Variants in WLS observed in about 807,000 individuals in gnomAD.
WLS encodes the protein protein wntless homolog.
A neutral mutation model predicts 62.8 loss-of-function variants in WLS; 23 were observed. The observed-to-expected ratio is 0.37, with a 90% CI of 0.26 to 0.52. The LOEUF is 0.52. WLS is among the 20% of genes least tolerant of loss of function. The probability of loss-of-function intolerance (pLI) is 0.92; values close to 1 mark genes in which losing one functional copy is unlikely to be tolerated. For missense variants in WLS, 615 were observed against 697.3 expected, an observed-to-expected ratio of 0.88 and a Z score of 1.33; for synonymous variants, 246 against 244.1, an observed-to-expected ratio of 1.01 and a Z score of -0.07.
intron 1 of WLS, among the ~76,000 whole-genome samples, chr1:68,229,110 C>T (rs527643084): frequency 6.6e-6 from 1 of 151,998 alleles, no homozygotes; most frequent in Non-Finnish European, 1.5e-5. Flanking sequence ...CGAAAGGGAC[C>T]TTAAACTCCT....
chr1:68,208,737 G>A (rs538049983), intron 1 of WLS, among the ~76,000 whole-genome samples: 5 of 152,256 alleles, frequency 3.3e-5, no homozygotes, highest in Admixed American at 2.0e-4. Flanking sequence ...AGTAAGAGAG[G>A]TGCAAACACA....
At position 68,223,083 on chromosome 1, in the gene WLS, G is replaced by A. The variant is rs376511114; in HGVS notation, c.106+9111C>T. 4.6e-5 allele frequency among the ~76,000 whole-genome samples: 7 copies of A among 152,226 alleles called. No homozygotes were observed. The East Asian group carries it at 7.7e-4, about 17-fold the overall frequency. ...TACCATACTTCTACAAGTCTGTGCT[G>A]CCAGTGAGGGTTGGCAAATCATCCC... On this transcript the variant is annotated intron_variant, in intron 1 of 11. Coordinates refer to ENST00000262348, the MANE Select transcript of WLS (RefSeq NM_024911.7).
At chr1:68,175,396 C>A (rs145020049) in intron 2 of WLS, among the ~76,000 whole-genome samples, 4 of 152,330 alleles carry the variant, frequency 2.6e-5, no homozygotes, top group Admixed American at 1.3e-4. Context: ...AGCTCAAGTA[C>A]TTTCCCCTTA....
At chr1:68,145,013 G>T (rs563141009) in intron 9 of WLS, among the ~76,000 whole-genome samples, 22 of 152,314 alleles carry the variant, frequency 1.4e-4, no homozygotes, top group Admixed American at 9.1e-4. Flanking sequence ...TTCTGCTCCA[G>T]TGAACAAAAA....
chr1:68,159,526 C>T (rs1201142245), intron 2 of WLS, among the ~76,000 whole-genome samples: 1 of 152,176 alleles, frequency 6.6e-6, no homozygotes, highest in Admixed American at 6.5e-5. Flanking sequence ...CACAAATGGT[C>T]AGACCTCATC....
chr1:68,214,415 A>G (rs553137630), intron 1 of WLS, among the ~76,000 whole-genome samples: 68 of 151,604 alleles, frequency 4.5e-4, no homozygotes, highest in African/African-American at 1.6e-3. Context: ...CCCAGGCTGG[A>G]GTGCAGTGTT....
intron 11 of WLS, chr1:68,098,791 T>G (rs764687450): frequency 6.3e-7 from 1 of 1,596,234 alleles, no homozygotes; most frequent in South Asian, 1.1e-5. Context: ...ATGCAAAATA[T>G]CCTTTTAAAA....
intron 2 of WLS, among the ~76,000 whole-genome samples, chr1:68,160,400 T>G (rs1411269447): frequency 1.3e-5 from 2 of 152,182 alleles, no homozygotes; most frequent in African/African-American, 2.4e-5. Context: ...GGTTTTGAGT[T>G]TTCAATTAAA....
intron 4 of WLS, among the ~76,000 whole-genome samples, chr1:68,154,772 TG>T (rs1557481173): frequency 6.6e-6 from 1 of 152,236 alleles, no homozygotes. Flanking sequence ...TTAACATTTG[TG>T]CTTGCAAGGT....
intron 2 of WLS, among the ~76,000 whole-genome samples, chr1:68,190,721 T>C (rs1002961753): frequency 1.9e-4 from 29 of 152,020 alleles, no homozygotes; most frequent in African/African-American, 6.5e-4. Flanking sequence ...AGCCAGAGAC[T>C]CCCAAACTAG....
At position 68,125,632 on chromosome 1, in the gene WLS, CT is replaced by C. The variant is rs1238596194; in HGVS notation, c.*593del. ...ATTTGGTTTCAAAGCTGAAATACCC[CT>C]GGTGGAATAAATCTTCTCATGAAAT... On this transcript the variant is annotated 3_prime_UTR_variant, in exon 12 of 12. Transcript: ENST00000262348. 1.0e-6 allele frequency: 1 copy of C among 985,410 alleles called. No homozygotes were observed. Among genetic ancestry groups the C allele is most frequent in the African/African-American group, 1.7e-5 (1 of 57,222 alleles). The allele number at this position is 985,410 out of a possible 1,614,324, so 61.0% of individuals were successfully genotyped here.
chr1:68,115,041 T>C (rs536805002), intron 11 of WLS, among the ~76,000 whole-genome samples: 1 of 152,344 alleles, frequency 6.6e-6, no homozygotes, highest in Non-Finnish European at 1.5e-5. Flanking sequence ...CTGCAGCCAC[T>C]GTGTGGCCTG....
In WLS at chr1:68,181,757, T is replaced by A. The variant is rs143443441; in HGVS notation, c.379+12198A>T. Among the ~76,000 whole-genome samples the A allele has an allele frequency of 3.3e-5, 5 of 152,326 alleles. 1 individual carries two copies. Among genetic ancestry groups the A allele is most frequent in the African/African-American group, 1.2e-4 (5 of 41,564 alleles). On this transcript the variant is annotated intron_variant, in intron 2 of 11. Coordinates refer to ENST00000262348, the MANE Select transcript of WLS (RefSeq NM_024911.7). ...CCACAGAGTTCAAGCTTTCTCCAGC[T>A]GCTAAATTAAAGGATTAGTGCTTTA... is the stretch of plus-strand genomic sequence containing the variant.
At chr1:68,204,511 A>G (rs2566749) in intron 1 of WLS, among the ~76,000 whole-genome samples, 139,728 of 152,046 alleles carry the variant, frequency 0.92, 64,524 homozygotes, top group East Asian at 0.97. Context: ...GCTTCACCGT[A>G]TTAGCCAGGA....
chr1:68,188,655 G>C (rs944478139), intron 2 of WLS, among the ~76,000 whole-genome samples: 3 of 152,190 alleles, frequency 2.0e-5, no homozygotes, highest in Admixed American at 1.3e-4. Flanking sequence ...AGAATGAGTA[G>C]GTTTATCTGG....
intron 8 of WLS, 112 bp from the exon 9 acceptor site, chr1:68,146,124 G>A (rs1214080750): frequency 1.6e-6 from 2 of 1,269,754 alleles, no homozygotes; most frequent in Non-Finnish European, 2.2e-6. Context: ...CAAATATGTA[G>A]AAAATTTTCA....
Position 68,158,727 on chromosome 1 carries a change from C to A in WLS, c.504+396G>T, listed in dbSNP as rs112114933. ...GGACAAGCTTGATCTAGCCCTTAAA[C>A]AGACTCCCAAGGTAGGTACTCTTAT... On this transcript the variant is annotated intron_variant, in intron 3 of 11. Coordinates refer to ENST00000262348, the MANE Select transcript of WLS (RefSeq NM_024911.7). Among the ~76,000 whole-genome samples, 50 of 152,320 alleles carry A rather than the reference C, an allele frequency of 3.3e-4. 1 individual carries two copies. The highest frequency in any genetic ancestry group is 1.2e-3 in the African/African-American group (50 of 41,566).
intron 11 of WLS, among the ~76,000 whole-genome samples, chr1:68,132,103 G>A (rs1646535190): frequency 6.6e-6 from 1 of 152,192 alleles, no homozygotes; most frequent in Non-Finnish European, 1.5e-5. Context: ...ATGGTGGGGT[G>A]ACAAGAATTC....
chr1:68,193,032 G>T (rs183493062), intron 2 of WLS, among the ~76,000 whole-genome samples: 4 of 150,564 alleles, frequency 2.7e-5, no homozygotes, highest in African/African-American at 9.8e-5. Flanking sequence ...TCACTTGAAC[G>T]CGGGAGGCGG....
Sources: allele counts gnomAD v4.1 joint callset (sites outside exome capture counted in the v4.1 genomes callset), GRCh38; gene constraint gnomAD v4.1.1; transcripts MANE v1.5; gene names NCBI Gene and HGNC (gene_info 2026-07-23, HGNC 2026-07-21).